Variants in PTPN3 observed in about 807,000 individuals in gnomAD.
The protein encoded by PTPN3 is tyrosine-protein phosphatase non-receptor type 3.
A neutral mutation model predicts 132.7 loss-of-function variants in PTPN3; 96 were observed. The observed-to-expected ratio is 0.72, with a 90% confidence interval of 0.61 to 0.86. The LOEUF is 0.86. PTPN3 is among the 40% of genes least tolerant of loss of function. The pLI is 0.00. For synonymous variants in PTPN3, 398 were observed against 429.0 expected (o/e 0.93, Z 0.89); for missense variants, 1,125 against 1,159.6 (o/e 0.97, Z 0.43).
chr9:109,525,718 A>G, the PTPN3 span, among the ~76,000 whole-genome samples: 9 of 152,244 alleles, frequency 5.9e-5, no homozygotes, highest in South Asian at 6.2e-4. Context: ...GGAAGGGTCT[A>G]GCAAGATGAC....
rs183686234 is a variant in PTPN3, at chr9:109,398,635, T to C, written c.1953+5813A>G. ...ACTGGGGGATGCAGGCATTCTCTTG[T>C]GGTGTTCCTCATTTTCGAGCTCTTA... is the stretch of plus-strand genomic sequence containing the variant. On this transcript the variant is annotated intron_variant, in intron 19 of 25. Coordinates refer to ENST00000374541, the MANE Select transcript of PTPN3 (RefSeq NM_002829.4). Among the ~76,000 whole-genome samples, 485 of 152,276 alleles carry C rather than the reference T, an allele frequency of 3.2e-3. 1 individual carries two copies. The highest frequency in any genetic ancestry group is 6.3e-3 in the Admixed American group (96 of 15,296).
chr9:109,490,276 T>C (rs959379368), intron 1 of PTPN3, among the ~76,000 whole-genome samples: 2 of 152,162 alleles, frequency 1.3e-5, no homozygotes, highest in Non-Finnish European at 2.9e-5. Context: ...CCTGCTGACT[T>C]TTCCCCTTGC....
At chr9:109,424,206 T>C (rs1843083827) in intron 12 of PTPN3, among the ~76,000 whole-genome samples, 1 of 152,234 alleles carries the variant, frequency 6.6e-6, no homozygotes, top group Non-Finnish European at 1.5e-5. Flanking sequence ...AAATTTCTTT[T>C]TATGTGGAAC....
intron 13 of PTPN3, 64 bp from the exon 14 acceptor site, chr9:109,420,664 A>G (rs1343184734): frequency 2.7e-6 from 4 of 1,492,606 alleles, no homozygotes; most frequent in Admixed American, 1.8e-5. Context: ...ATTTTATTAG[A>G]CACCAGTGAA....
intron 4 of PTPN3, among the ~76,000 whole-genome samples, chr9:109,456,259 C>T (rs752157673): frequency 6.6e-6 from 1 of 152,194 alleles, no homozygotes; most frequent in Non-Finnish European, 1.5e-5. Context: ...GTGTTGGGCA[C>T]CTTGGGGATG....
At chr9:109,532,907 T>A in the PTPN3 span, 19 of 1,023,660 alleles carry the variant, frequency 1.9e-5, no homozygotes, top group Admixed American at 1.0e-4. Context: ...TGCTTTTGTC[T>A]CTTTGCCACC....
intron 19 of PTPN3, among the ~76,000 whole-genome samples, chr9:109,391,873 G>A (rs1233418038): frequency 3.9e-5 from 4 of 103,352 alleles, no homozygotes; most frequent in East Asian, 6.2e-4. Context: ...CTAGATGTGG[G>A]GGGGGGGGGG....
upstream of PTPN3, among the ~76,000 whole-genome samples, chr9:109,502,380 C>G (rs141106094): frequency 6.6e-6 from 1 of 152,194 alleles, no homozygotes; most frequent in Non-Finnish European, 1.5e-5. Context: ...GCTGTTAATG[C>G]AAGCTTATGA....
At chr9:109,424,879 C>A (rs568266009) in intron 12 of PTPN3, among the ~76,000 whole-genome samples, 26 of 152,218 alleles carry the variant, frequency 1.7e-4, no homozygotes, top group Admixed American at 4.6e-4. Flanking sequence ...CCCAGCCCTG[C>A]TGGCATTGGA....
rs1251886262 is a variant in PTPN3, at chr9:109,376,524, C to G, written c.*3032G>C. On this transcript the variant is annotated 3_prime_UTR_variant, in exon 26 of 26. Transcript: ENST00000374541. ...GTTGCATTTTTTTCTTCTGGAAAGT[C>G]AAAACACCAAGTGCAGGTTCTAGAG... 6.6e-6 allele frequency: 1 copy of G among 152,182 alleles called. No individual in the cohort carries two copies. The highest frequency in any genetic ancestry group is 6.6e-5 in the Admixed American group (1 of 15,266). 9.4% of individuals were successfully genotyped at this position (152,182 alleles called of 1,614,324 possible). A position where few individuals can be genotyped will look rare whatever the true frequency, so the allele number is the denominator to read the frequency against.
chr9:109,522,849 C>T, the PTPN3 span, among the ~76,000 whole-genome samples: 1 of 152,150 alleles, frequency 6.6e-6, no homozygotes, highest in Admixed American at 6.6e-5. Flanking sequence ...GACCATTCAA[C>T]TTTAATTATA....
At chr9:109,492,073 A>C (rs963781085) in intron 1 of PTPN3, among the ~76,000 whole-genome samples, 1 of 152,094 alleles carries the variant, frequency 6.6e-6, no homozygotes, top group Non-Finnish European at 1.5e-5. Context: ...TTCTACAAGA[A>C]CCATGAATGC....
intron 1 of PTPN3, among the ~76,000 whole-genome samples, chr9:109,466,895 AT>A (rs1342510953): frequency 6.6e-6 from 1 of 152,194 alleles, no homozygotes; most frequent in Non-Finnish European, 1.5e-5. Flanking sequence ...AACCGCAATG[AT>A]GAAAGCTGTG....
At chr9:109,404,276 G>A (rs774085327) in intron 19 of PTPN3, among the ~76,000 whole-genome samples, 172 bp downstream of exon 19, 5 of 152,148 alleles carry the variant, frequency 3.3e-5, no homozygotes, top group African/African-American at 9.7e-5. Flanking sequence ...CACAGGCCTC[G>A]CCCTGTCAGT....
chr9:109,450,732 A>C, intron 5 of PTPN3: 1 of 985,436 alleles, frequency 1.0e-6, no homozygotes, highest in Non-Finnish European at 1.2e-6. Flanking sequence ...TTTATTTAAC[A>C]ATTAGAATAC....
At chr9:109,418,251 C>T (rs965394646) in intron 14 of PTPN3, among the ~76,000 whole-genome samples, 24 of 152,244 alleles carry the variant, frequency 1.6e-4, no homozygotes, top group African/African-American at 5.8e-4. Context: ...CTGATTTGCT[C>T]CGGTGTTCCC....
intron 19 of PTPN3, among the ~76,000 whole-genome samples, chr9:109,397,084 G>A (rs1840669463): frequency 6.6e-6 from 1 of 152,194 alleles, no homozygotes; most frequent in African/African-American, 2.4e-5. Flanking sequence ...GAAAAAAAAG[G>A]GGGACCGGGA....
At chr9:109,409,608 C>G (rs1204224171) in intron 16 of PTPN3, among the ~76,000 whole-genome samples, 1 of 151,934 alleles carries the variant, frequency 6.6e-6, no homozygotes, top group Admixed American at 6.6e-5. Context: ...GAGTAGATTG[C>G]CAGGTGTTTG....
At chr9:109,428,522 G>T in intron 11 of PTPN3, 99 bp downstream of exon 11, 1 of 1,254,092 alleles carries the variant, frequency 8.0e-7, no homozygotes, top group Non-Finnish European at 1.1e-6. Flanking sequence ...GAGGCAGGAG[G>T]ATCCCCTGAG....
Sources: allele counts gnomAD v4.1 joint callset (sites outside exome capture counted in the v4.1 genomes callset), GRCh38; gene constraint gnomAD v4.1.1; transcripts MANE v1.5; gene names NCBI Gene and HGNC (gene_info 2026-07-23, HGNC 2026-07-21).